The following THNSL2 variants were observed in gnomAD, a reference collection of about 807,000 sequenced individuals.
THNSL2 encodes the protein threonine synthase-like 2.
THNSL2 carries 34 observed loss-of-function variants against 40.0 expected under a neutral mutation model. The observed-to-expected ratio is 0.85, with a 90% CI of 0.65 to 1.13. THNSL2 has a LOEUF of 1.13. Among genes scored for constraint, THNSL2 ranks in the 50% most tolerant of loss-of-function variants. The pLI, the probability that THNSL2 is intolerant of heterozygous loss-of-function variation, is 0.00. For missense variants in THNSL2, 537 were observed against 608.8 expected (o/e 0.88, Z 1.24); for synonymous variants, 241 against 247.5 (o/e 0.97, Z 0.25).
intron 7 of THNSL2, chr2:88,183,415 G>T: frequency 5.1e-6 from 1 of 197,740 alleles, no homozygotes; most frequent in Non-Finnish European, 1.0e-5. Flanking sequence ...TATATGTGAA[G>T]CACTTTGCAT....
chr2:88,173,260 A>G lies in THNSL2; in HGVS notation c.110A>G (p.Gln37Arg), dbSNP rs1273119188. Residue 37 changes from glutamine (Q) to arginine (R), a missense_variant, in exon 2 of 9, where the codon CAG becomes CGG. Physicochemically the swap from Gln to Arg is conservative, Grantham distance 43 (BLOSUM62 1). Coordinates refer to ENST00000674334, the MANE Select transcript of THNSL2 (RefSeq NM_018271.5). ...CTCTTTATGCCTGAAGAGCTCCCAC[A>G]GTTGGACAGAGGGACCCTGTGCCAG... ...GGLFMPEELPQLDRGTLCQWS... is the reference protein window; with the variant it reads ...GGLFMPEELPRLDRGTLCQWS... The G allele has an allele frequency of 6.2e-7, 1 of 1,612,282 alleles. No homozygotes were observed. Among genetic ancestry groups the G allele is most frequent in the Non-Finnish European group, 8.5e-7 (1 of 1,179,954 alleles).
chr2:88,179,463 C>T (rs1677302582), intron 5 of THNSL2, among the ~76,000 whole-genome samples: 1 of 152,224 alleles, frequency 6.6e-6, no homozygotes, highest in Non-Finnish European at 1.5e-5. Context: ...GGAAAGAGTT[C>T]TGGACTTGGG....
rs1284151513 is a variant in THNSL2 at position 88,178,906 on chromosome 2, T to A, written c.695T>A (p.Met232Lys). 1.2e-6 allele frequency: 2 copies of A among 1,614,102 alleles called. No individual in the cohort carries two copies. The highest frequency in any genetic ancestry group is 1.7e-6 in the Non-Finnish European group (2 of 1,180,052). ...SINWSRVLVQMAHHFFAYFQC... is the reference protein window; with the variant it reads ...SINWSRVLVQKAHHFFAYFQC... The stretch of plus-strand genomic sequence containing the variant: ...AACTGGTCCCGGGTCCTGGTGCAGA[T>A]GGCCCATCACTTCTTTGCTTACTTC... The change falls in exon 5 of 9, where the codon ATG becomes AAG. Residue 232 changes from methionine to lysine, a missense_variant. Met to Lys is a moderately conservative substitution (Grantham distance 95). Transcript: ENST00000674334.
intron 4 of THNSL2, chr2:88,177,149 G>T (rs1365660722): frequency 9.2e-5 from 14 of 152,202 alleles, no homozygotes; most frequent in Non-Finnish European, 2.1e-4. Flanking sequence ...GGACCTGAAG[G>T]GGGTGTTTCT....
At chr2:88,183,184 C>T (rs1347872134) in intron 7 of THNSL2, 111 bp downstream of exon 7, 2 of 1,428,564 alleles carry the variant, frequency 1.4e-6, no homozygotes, top group Non-Finnish European at 1.9e-6. Flanking sequence ...TGAGTACCTG[C>T]TATGAGCCCA....
chr2:88,183,373 C>T (rs932485974), intron 7 of THNSL2: 23 of 270,872 alleles, frequency 8.5e-5, no homozygotes, highest in East Asian at 4.2e-4. Context: ...ATGCCTACCT[C>T]ATAGAGTTGT....
At chr2:88,172,919 A>T in intron 1 of THNSL2, 1 of 370,230 alleles carries the variant, frequency 2.7e-6, no homozygotes, top group Non-Finnish European at 4.8e-6. Flanking sequence ...ACAGGAGGTC[A>T]GTGGAATTGC....
intron 4 of THNSL2, chr2:88,177,102 T>A (rs1349254052): frequency 6.6e-6 from 1 of 152,168 alleles, no homozygotes; most frequent in Non-Finnish European, 1.5e-5. Flanking sequence ...ATGGCAGAAA[T>A]GTGGAATCTG....
At chr2:88,184,779 AAG>A (rs914305757) in intron 7 of THNSL2, among the ~76,000 whole-genome samples, 11 of 82,846 alleles carry the variant, frequency 1.3e-4, no homozygotes, top group African/African-American at 3.7e-4. Flanking sequence ...AAAAAAAGAA[AAG>A]AAAAAAAATC....
chr2:88,174,758 C>T lies in THNSL2; in HGVS notation c.343C>T (p.Leu115=), dbSNP rs757228292. The change falls in exon 3 of 9, where the codon CTG becomes TTG. Residue 115 remains leucine (L), a synonymous_variant. Coordinates refer to ENST00000674334, the MANE Select transcript of THNSL2 (RefSeq NM_018271.5). ...WHGVTYAFKD[L]SLSCTTQFLQ... ...TGGCGTCACATATGCATTTAAGGAC[C>T]TGTCCCTGTCCTGCACAACACAGTT... is the stretch of plus-strand genomic sequence containing the variant. 9 of 1,614,200 alleles carry T rather than the reference C, an allele frequency of 5.6e-6. No individual in the cohort carries two copies. The Admixed American group carries it at 1.3e-4, about 24-fold the overall frequency.
At chr2:88,173,028 C>G (rs560395533) in intron 1 of THNSL2, 111 bp from the exon 2 acceptor site, 1 of 619,440 alleles carries the variant, frequency 1.6e-6, no homozygotes, top group East Asian at 2.8e-5. Context: ...GACATGTGCC[C>G]CGGAGACTGG....
At chr2:88,171,604 TCTAA>T (rs1382577799) in intron 1 of THNSL2, 1 of 200,890 alleles carries the variant, frequency 5.0e-6, no homozygotes, top group East Asian at 1.5e-4. Context: ...TTGCGTTGGC[TCTAA>T]CTCTTACCAC....
chr2:88,182,131 A>G (rs1242164330), intron 5 of THNSL2, among the ~76,000 whole-genome samples: 1 of 152,182 alleles, frequency 6.6e-6, no homozygotes, highest in African/African-American at 2.4e-5. Flanking sequence ...CATAACTAGG[A>G]GTGGCATTTC....
chr2:88,182,760 T>C lies in THNSL2; in HGVS notation c.864T>C (p.Asn288=). ...GTCTGGTCGTGGCAGTGAACCGCAA[T>C]GACATCATCCACAGGACTGTCCAGC... ...PIRLVVAVNR[N]DIIHRTVQQG... Residue 288 remains asparagine (N), a synonymous_variant, in exon 6 of 9, where the codon AAT becomes AAC. Coordinates refer to ENST00000674334, the MANE Select transcript of THNSL2 (RefSeq NM_018271.5). 9 of 1,614,192 alleles carry C rather than the reference T, an allele frequency of 5.6e-6. No homozygotes were observed. Among genetic ancestry groups the C allele is most frequent in the Non-Finnish European group, 5.1e-6 (6 of 1,180,028 alleles).
At chr2:88,173,086 G>A in intron 1 of THNSL2, 53 bp from the exon 2 acceptor site, 1 of 1,329,240 alleles carries the variant, frequency 7.5e-7, no homozygotes. Flanking sequence ...GCTTTGCCCG[G>A]TGGGGTGTGG....
intron 7 of THNSL2, among the ~76,000 whole-genome samples, chr2:88,184,850 A>G (rs903484513): frequency 6.6e-6 from 1 of 152,204 alleles, no homozygotes; most frequent in African/African-American, 2.4e-5. Flanking sequence ...GGTGTATTGT[A>G]AGCATGCAAT....
In THNSL2 at chr2:88,174,703, G is replaced by A; in HGVS notation, c.288G>A (p.Arg96=). ...HREVVHLSRL[R]NGLNVLELWH... ...AAGTGGTCCATCTGTCCAGGTTGAG[G>A]AATGGGCTGAACGTGTTGGAGCTGT... The change falls in exon 3 of 9, where the codon AGG becomes AGA. Residue 96 remains arginine, a synonymous_variant. Coordinates refer to ENST00000674334, the MANE Select transcript of THNSL2 (RefSeq NM_018271.5). 1 of 1,614,222 alleles carries A rather than the reference G, an allele frequency of 6.2e-7. No homozygotes were observed. The highest frequency in any genetic ancestry group is 8.5e-7 in the Non-Finnish European group (1 of 1,180,044).
At chr2:88,184,898 G>A (rs114759512) in intron 7 of THNSL2, among the ~76,000 whole-genome samples, 52 of 152,252 alleles carry the variant, frequency 3.4e-4, no homozygotes, top group African/African-American at 1.1e-3. Context: ...CAAACACACC[G>A]AGGGAGCACA....
chr2:88,185,845 ATCTC>A (rs1385567356), intron 8 of THNSL2, 49 bp from the exon 9 acceptor site: 1 of 1,545,978 alleles, frequency 6.5e-7, no homozygotes, highest in African/African-American at 1.4e-5. Flanking sequence ...CTCCTTTCCC[ATCTC>A]TCTATTCTCT....
Sources: gnomAD v4.1 joint callset for allele counts (sites outside exome capture counted in the v4.1 genomes callset) on GRCh38, gnomAD v4.1.1 for gene constraint, MANE v1.5 for transcripts, NCBI Gene and HGNC (gene_info 2026-07-23, HGNC 2026-07-21) for gene names.